TMEM117: variants seen among roughly 807,000 people sequenced by gnomAD.
TMEM117 encodes transmembrane protein 117.
TMEM117 carries 27 observed loss-of-function variants against 52.4 expected under a neutral mutation model. That is an observed-to-expected ratio of 0.51 (90% CI 0.38 to 0.71). TMEM117 has a LOEUF of 0.71. TMEM117 is among the 30% of genes least tolerant of loss of function. TMEM117 has a pLI of 0.00. For missense variants in TMEM117, 556 were observed against 630.5 expected, an observed-to-expected ratio of 0.88 and a Z score of 1.26; for synonymous variants, 215 against 206.3, an observed-to-expected ratio of 1.04 and a Z score of -0.36.
chr12:43,809,959 A>C, the TMEM117 span, among the ~76,000 whole-genome samples: 1 of 152,198 alleles, frequency 6.6e-6, no homozygotes, highest in East Asian at 1.9e-4. Flanking sequence ...CAGAACAGAG[A>C]GTCTGGGTTA....
At chr12:43,938,308 CTTAG>C (rs1239775908) in intron 2 of TMEM117, among the ~76,000 whole-genome samples, 6 of 149,618 alleles carry the variant, frequency 4.0e-5, no homozygotes, top group Admixed American at 2.7e-4. Flanking sequence ...AATCCTAAGG[CTTAG>C]TTAAATTGCT....
At chr12:43,964,209 C>T (rs553501880) in intron 3 of TMEM117, among the ~76,000 whole-genome samples, 46 of 152,154 alleles carry the variant, frequency 3.0e-4, no homozygotes, top group African/African-American at 1.1e-3. Flanking sequence ...AGTAATTGAA[C>T]ATTCTGCCTG....
At chr12:44,332,217 A>G (rs2138727017) in intron 6 of TMEM117, among the ~76,000 whole-genome samples, 1 of 152,180 alleles carries the variant, frequency 6.6e-6, no homozygotes, top group Non-Finnish European at 1.5e-5. Context: ...GGGTAATAAA[A>G]CTAAGTGTTG....
In TMEM117 at chr12:44,378,223, A is replaced by G. The variant is rs553279884; in HGVS notation, c.898+1499A>G. On this transcript the variant is annotated intron_variant, in intron 7 of 7. Transcript: ENST00000266534. ...CTTGTCAAAAATATCCTGCTTAAGT[A>G]CAGAACTTCAGGTTAAAAAAGGAAA... is the stretch of plus-strand genomic sequence containing the variant. Among the ~76,000 whole-genome samples, 6 of 152,260 alleles carry G rather than the reference A, an allele frequency of 3.9e-5. No homozygotes were observed. In the East Asian group the frequency reaches 9.7e-4, roughly 25 times the overall value.
intron 3 of TMEM117, among the ~76,000 whole-genome samples, chr12:44,126,890 C>T (rs934545455): frequency 4.6e-5 from 7 of 152,166 alleles, no homozygotes; most frequent in Non-Finnish European, 1.0e-4. Context: ...AGTGCAGGAA[C>T]TTCAAAAAGG....
At chr12:44,378,321 A>G (rs1951971156) in intron 7 of TMEM117, among the ~76,000 whole-genome samples, 1 of 152,204 alleles carries the variant, frequency 6.6e-6, no homozygotes, top group East Asian at 1.9e-4. Context: ...TATTTTGTAT[A>G]ACTTTATCAT....
chr12:44,000,015 C>G (rs1469117105), intron 3 of TMEM117, among the ~76,000 whole-genome samples: 1 of 152,118 alleles, frequency 6.6e-6, no homozygotes, highest in Non-Finnish European at 1.5e-5. Flanking sequence ...TCAATTTTGC[C>G]CAATGATCAG....
the TMEM117 span, among the ~76,000 whole-genome samples, chr12:43,814,676 G>A: frequency 6.6e-6 from 1 of 151,654 alleles, no homozygotes; most frequent in African/African-American, 2.4e-5. Context: ...CTGTTCTGCT[G>A]CATTACCAGT....
At position 43,958,961 on chromosome 12, in the gene TMEM117, C is replaced by T. The variant is rs188780212; in HGVS notation, c.410+14619C>T. On this transcript the variant is annotated intron_variant, in intron 3 of 7. Coordinates refer to ENST00000266534, the MANE Select transcript of TMEM117 (RefSeq NM_032256.3). ...AGCTGGGACTGCAGGCGCCCACCAC[C>T]ACGCCCGGCTAATTTTTTTGTATTT... is the stretch of plus-strand genomic sequence containing the variant. Among the ~76,000 whole-genome samples the T allele has an allele frequency of 2.3e-3, 346 of 152,182 alleles. 1 individual carries two copies. Among genetic ancestry groups the T allele is most frequent in the South Asian group, 6.2e-3 (30 of 4,820 alleles).
rs1158613109 is a variant in TMEM117 at position 44,374,233 on chromosome 12, A to C, written c.769-2362A>C. On this transcript the variant is annotated intron_variant, in intron 6 of 7. Coordinates refer to ENST00000266534, the MANE Select transcript of TMEM117 (RefSeq NM_032256.3). ...AAGAGGTATCTAGAGTAGGAATTGA[A>C]ATGTAAAAATCAGAGTAGTAGAGAG... Among the ~76,000 whole-genome samples the C allele has an allele frequency of 2.6e-5, 4 of 152,294 alleles. No individual in the cohort carries two copies. The South Asian group carries it at 6.2e-4, about 24-fold the overall frequency.
At chr12:43,893,376 T>C (rs1390534486) in intron 2 of TMEM117, among the ~76,000 whole-genome samples, 2 of 152,176 alleles carry the variant, frequency 1.3e-5, no homozygotes, top group Non-Finnish European at 1.5e-5. Flanking sequence ...ATTATGACAC[T>C]TTAGTGCTTA....
intron 4 of TMEM117, among the ~76,000 whole-genome samples, chr12:44,153,569 T>G (rs1413107194): frequency 1.3e-5 from 2 of 151,996 alleles, no homozygotes; most frequent in African/African-American, 4.8e-5. Flanking sequence ...TCCTATTCCC[T>G]TTTGATAAAG....
Position 44,360,029 on chromosome 12 carries a change from A to G in TMEM117, c.769-16566A>G, listed in dbSNP as rs536349942. Among the ~76,000 whole-genome samples the G allele has an allele frequency of 3.0e-4, 46 of 152,324 alleles. 3 individuals are homozygous for G. The South Asian group carries it at 9.5e-3, about 32-fold the overall frequency. ...AAATTTGTACCTGTTTTTTAAAAGT[A>G]GATTTACTTGACTGGAACATGTAAT... is the stretch of plus-strand genomic sequence containing the variant. On this transcript the variant is annotated intron_variant, in intron 6 of 7. Coordinates refer to ENST00000266534, the MANE Select transcript of TMEM117 (RefSeq NM_032256.3).
At chr12:44,265,558 G>A (rs1332735917) in intron 5 of TMEM117, among the ~76,000 whole-genome samples, 2 of 152,134 alleles carry the variant, frequency 1.3e-5, no homozygotes, top group African/African-American at 2.4e-5. Flanking sequence ...AAGTGAACCC[G>A]TTTGGGAAAT....
rs192975079 is a variant in TMEM117 at position 44,017,013 on chromosome 12, G to A, written c.410+72671G>A. On this transcript the variant is annotated intron_variant, in intron 3 of 7. Transcript: ENST00000266534. The stretch of plus-strand genomic sequence containing the variant: ...AGGCAAATGTGTCATGGATTTTAGA[G>A]TGTTATCTTTTGTTTATGGGTTTTT... Among the ~76,000 whole-genome samples the A allele has an allele frequency of 2.3e-4, 35 of 152,252 alleles. 1 individual carries two copies. The highest frequency in any genetic ancestry group is 2.3e-3 in the Admixed American group (35 of 15,292).
chr12:44,193,331 A>T (rs1458521836), intron 4 of TMEM117, among the ~76,000 whole-genome samples: 1 of 152,256 alleles, frequency 6.6e-6, no homozygotes, highest in Non-Finnish European at 1.5e-5. Flanking sequence ...CAGACGGATA[A>T]GTAAAACAGC....
intron 6 of TMEM117, among the ~76,000 whole-genome samples, chr12:44,353,335 C>T (rs1951594628): frequency 6.6e-6 from 1 of 152,060 alleles, no homozygotes; most frequent in African/African-American, 2.4e-5. Context: ...CTTTGGTTGC[C>T]ATTGCTTTTG....
chr12:44,058,614 C>T (rs943447884), intron 3 of TMEM117, among the ~76,000 whole-genome samples: 1 of 152,192 alleles, frequency 6.6e-6, no homozygotes, highest in Non-Finnish European at 1.5e-5. Context: ...TCCATACAGA[C>T]ATACTCATTC....
At chr12:44,236,704 T>C (rs891562191) in intron 5 of TMEM117, among the ~76,000 whole-genome samples, 2 of 152,126 alleles carry the variant, frequency 1.3e-5, no homozygotes, top group Non-Finnish European at 2.9e-5. Context: ...AAAAACACTT[T>C]ATAGCGGTAA....
Sources: allele counts gnomAD v4.1 joint callset (sites outside exome capture counted in the v4.1 genomes callset), GRCh38; gene constraint gnomAD v4.1.1; transcripts MANE v1.5; gene names NCBI Gene and HGNC (gene_info 2026-07-23, HGNC 2026-07-21).